PDE5A: variants seen among roughly 807,000 people sequenced by gnomAD.
PDE5A encodes the protein phosphodiesterase 5A.
A neutral mutation model predicts 110.2 loss-of-function variants in PDE5A; 67 were observed. The ratio of observed to expected loss-of-function variants is 0.61; its 90% CI spans 0.50 to 0.75. The LOEUF is 0.75. PDE5A is among the 30% of genes least tolerant of loss of function. The pLI is 0.00. For missense variants in PDE5A, 862 were observed against 1,045.1 expected (o/e 0.82, Z 2.42); for synonymous variants, 328 against 351.2 (o/e 0.93, Z 0.74).
chr4:119,612,048 A>C (rs1729771238), intron 1 of PDE5A, among the ~76,000 whole-genome samples: 1 of 152,222 alleles, frequency 6.6e-6, no homozygotes, highest in Non-Finnish European at 1.5e-5. Context: ...CTGCAAATTG[A>C]AATTAAAATT....
intron 12 of PDE5A, among the ~76,000 whole-genome samples, chr4:119,524,089 TA>T (rs1726225759): frequency 1.3e-5 from 2 of 152,130 alleles, no homozygotes; most frequent in Non-Finnish European, 2.9e-5. Context: ...TTAAACAGAA[TA>T]TTATAGATAA....
At chr4:119,622,018 C>T (rs13136462) in intron 1 of PDE5A, among the ~76,000 whole-genome samples, 40,141 of 151,664 alleles carry the variant, frequency 0.26, 5,485 homozygotes, top group East Asian at 0.38. Context: ...AAAAAAAATA[C>T]AAAACATTAG....
Position 119,538,858 on chromosome 4 carries a change from GT to G in PDE5A, c.1632+101del. On this transcript the variant is annotated intron_variant, in intron 11 of 20. Transcript: ENST00000354960. ...CTTTGCATCCCTGCAAGAAAGCAGA[GT>G]TAATTAAACATTTTTATAAGTATCC... is the stretch of plus-strand genomic sequence containing the variant. The G allele has an allele frequency of 3.4e-6, 3 of 874,508 alleles. No individual in the cohort carries two copies. In the African/African-American group the frequency reaches 5.0e-5, roughly 15 times the overall value. 54.2% of individuals were successfully genotyped at this position (874,508 alleles called of 1,614,324 possible). A position where few individuals can be genotyped will look rare whatever the true frequency, so the allele number is the denominator to read the frequency against.
At chr4:119,528,576 T>C (rs1213148297) in intron 11 of PDE5A, among the ~76,000 whole-genome samples, 1 of 152,140 alleles carries the variant, frequency 6.6e-6, no homozygotes, top group Non-Finnish European at 1.5e-5. Flanking sequence ...ATGTCGGCTA[T>C]TGGGGGTGCT....
chr4:119,594,184 T>C (rs1259233875), intron 3 of PDE5A, among the ~76,000 whole-genome samples: 1 of 152,166 alleles, frequency 6.6e-6, no homozygotes, highest in Non-Finnish European at 1.5e-5. Flanking sequence ...AGTCATAATA[T>C]GGAAGAATGT....
intron 12 of PDE5A, among the ~76,000 whole-genome samples, chr4:119,524,973 T>C (rs542048443): frequency 6.6e-6 from 1 of 152,210 alleles, no homozygotes; most frequent in African/African-American, 2.4e-5. Context: ...TTCACCCATA[T>C]GGGTGACCCT....
At position 119,560,279 on chromosome 4, in the gene PDE5A, A is replaced by G. The variant is rs1488523134; in HGVS notation, c.1199+17T>C. The G allele has an allele frequency of 6.9e-6, 10 of 1,454,080 alleles. No homozygotes were observed. In the South Asian group the frequency reaches 8.9e-5, roughly 13 times the overall value. The allele number at this position is 1,454,080 out of a possible 1,614,324, so 90.1% of individuals were successfully genotyped here. A position where few individuals can be genotyped will look rare whatever the true frequency, so the allele number is the denominator to read the frequency against. The stretch of plus-strand genomic sequence containing the variant: ...TATATCATGTGATAAAGACAAGTAG[A>G]GAATACGTGCTTTTACCTTGTTAAT... On this transcript the variant is annotated intron_variant, in intron 7 of 20. Transcript: ENST00000354960.
intron 11 of PDE5A, among the ~76,000 whole-genome samples, chr4:119,528,112 T>C (rs1726394081): frequency 6.6e-6 from 1 of 152,106 alleles, no homozygotes; most frequent in Non-Finnish European, 1.5e-5. Context: ...ACAAACAATT[T>C]GATGGTATAT....
chr4:119,582,275 A>C (rs1293424860), intron 3 of PDE5A, among the ~76,000 whole-genome samples: 1 of 152,246 alleles, frequency 6.6e-6, no homozygotes, highest in Non-Finnish European at 1.5e-5. Flanking sequence ...GTCCATCTCA[A>C]GAAACCACTT....
chr4:119,585,798 T>C (rs1228428693), intron 3 of PDE5A, among the ~76,000 whole-genome samples: 1 of 152,172 alleles, frequency 6.6e-6, no homozygotes, highest in Non-Finnish European at 1.5e-5. Context: ...TGGACAACTT[T>C]GGAGACGAGG....
rs1401891033 is a variant in PDE5A at position 119,622,389 on chromosome 4, C to T, written c.152+6131G>A. On this transcript the variant is annotated intron_variant, in intron 1 of 20. Coordinates refer to ENST00000354960, the MANE Select transcript of PDE5A (RefSeq NM_001083.4). ...ATGAACATGATATCAAATGGTGATC[C>T]TTTCTCTCCCGATTTTAGGTAAAAT... Among the ~76,000 whole-genome samples, 20 of 151,922 alleles carry T rather than the reference C, an allele frequency of 1.3e-4. 2 individuals carry two copies.
At chr4:119,548,906 A>G (rs1489467520) in intron 9 of PDE5A, 1 of 152,240 alleles carries the variant, frequency 6.6e-6, no homozygotes, top group African/African-American at 2.4e-5. Context: ...CAAGCAATGT[A>G]TACCATGGAA....
At chr4:119,572,212 C>T (rs1728164343) in intron 3 of PDE5A, among the ~76,000 whole-genome samples, 1 of 152,160 alleles carries the variant, frequency 6.6e-6, no homozygotes, top group Non-Finnish European at 1.5e-5. Context: ...ACATCCTAGC[C>T]CTGCAATTAG....
At chr4:119,575,424 G>A (rs1728298362) in intron 3 of PDE5A, among the ~76,000 whole-genome samples, 1 of 152,148 alleles carries the variant, frequency 6.6e-6, no homozygotes, top group South Asian at 2.1e-4. Context: ...AAATGTTAAG[G>A]ACAGCCAGAG....
intron 1 of PDE5A, among the ~76,000 whole-genome samples, chr4:119,619,239 T>C (rs573490702): frequency 1.2e-4 from 19 of 152,306 alleles, no homozygotes; most frequent in African/African-American, 4.6e-4. Context: ...GTTTGCATAA[T>C]TTGACCTGGA....
chr4:119,524,624 C>T lies in PDE5A; in HGVS notation c.1779+925G>A, dbSNP rs575537218. 5.9e-5 allele frequency among the ~76,000 whole-genome samples: 9 copies of T among 152,242 alleles called. No homozygotes were observed. In the South Asian group the frequency reaches 8.3e-4, roughly 14 times the overall value. ...GCCTTTGAGAGCAGGGACAACTCAT[C>T]GCTGAAATGTGCCCCTGGCAGAGTC... is the stretch of plus-strand genomic sequence containing the variant. On this transcript the variant is annotated intron_variant, in intron 12 of 20. Transcript: ENST00000354960.
In PDE5A at chr4:119,560,350, C is replaced by G. The variant is rs1272239032; in HGVS notation, c.1145G>C (p.Ser382Thr). Residue 382 changes from serine (S) to threonine (T), a missense_variant, in exon 7 of 21, where the codon AGT becomes ACT. Coordinates refer to ENST00000354960, the MANE Select transcript of PDE5A (RefSeq NM_001083.4). Reference sequence around the variant, plus strand: ...TTCCTCACACTCCATGTGAAACACACTAGAAAAAGAATCCTAAAAACAGAC... The same window carrying G: ...TTCCTCACACTCCATGTGAAACACAGTAGAAAAAGAATCCTAAAAACAGAC... ...VDEDCSDSFS[S>T]VFHMECEELE... 6.3e-7 allele frequency: 1 copy of G among 1,583,106 alleles called. No individual in the cohort carries two copies. Among genetic ancestry groups the G allele is most frequent in the African/African-American group, 1.4e-5 (1 of 73,990 alleles).
At chr4:119,500,580 T>G (rs1479307654) in intron 20 of PDE5A, among the ~76,000 whole-genome samples, 2 of 152,260 alleles carry the variant, frequency 1.3e-5, no homozygotes, top group African/African-American at 4.8e-5. Flanking sequence ...ACTTAAAACA[T>G]TTCCGTTTAA....
intron 9 of PDE5A, among the ~76,000 whole-genome samples, chr4:119,544,594 A>C (rs1196122363): frequency 6.6e-6 from 1 of 152,202 alleles, no homozygotes; most frequent in African/African-American, 2.4e-5. Flanking sequence ...TTATCCTCAC[A>C]TCACAATGGA....
Sources: allele counts gnomAD v4.1 joint callset (sites outside exome capture counted in the v4.1 genomes callset), GRCh38; gene constraint gnomAD v4.1.1; transcripts MANE v1.5; gene names NCBI Gene and HGNC (gene_info 2026-07-23, HGNC 2026-07-21).